The following NAALADL2 variants were observed in gnomAD, a reference collection of about 807,000 sequenced individuals.
The protein encoded by NAALADL2 is inactive N-acetylated-alpha-linked acidic dipeptidase-like protein 2.
Under a neutral mutation model 87.2 loss-of-function variants are expected in NAALADL2, and 76 were observed. The ratio of observed to expected loss-of-function variants is 0.87; its 90% CI spans 0.72 to 1.05. NAALADL2 has a LOEUF of 1.05. Ranked by LOEUF, NAALADL2 falls within the 50% of genes least tolerant of loss-of-function variation. NAALADL2 has a pLI of 0.00. For synonymous variants in NAALADL2, 354 were observed against 331.0 expected (o/e 1.07, Z -0.75); for missense variants, 1,089 against 945.8 (o/e 1.15, Z -1.99).
chr3:174,716,821 A>G (rs1261042680), intron 2 of NAALADL2, among the ~76,000 whole-genome samples: 1 of 152,102 alleles, frequency 6.6e-6, no homozygotes, highest in Non-Finnish European at 1.5e-5. Flanking sequence ...TTTGTTAATA[A>G]TGTATGATTA....
intron 12 of NAALADL2, among the ~76,000 whole-genome samples, chr3:175,742,428 C>T (rs186611872): frequency 8.5e-4 from 130 of 152,244 alleles, no homozygotes; most frequent in Non-Finnish European, 1.6e-3. Context: ...GACGGAGTCT[C>T]GCTCTGTCAC....
chr3:174,564,109 G>C (rs767614060), intron 2 of NAALADL2, among the ~76,000 whole-genome samples: 1 of 152,174 alleles, frequency 6.6e-6, no homozygotes, highest in Non-Finnish European at 1.5e-5. Flanking sequence ...TGGGGTAATG[G>C]AGTTCATATA....
intron 3 of NAALADL2, among the ~76,000 whole-genome samples, chr3:174,760,575 G>A (rs947176787): frequency 6.6e-6 from 1 of 152,180 alleles, no homozygotes; most frequent in African/African-American, 2.4e-5. Context: ...ATATGTGATA[G>A]CATCACTGAG....
chr3:174,922,080 A>G (rs1735309655), intron 1 of NAALADL2, among the ~76,000 whole-genome samples: 3 of 152,044 alleles, frequency 2.0e-5, no homozygotes, highest in Non-Finnish European at 4.4e-5. Context: ...CCAAGGCAGG[A>G]GGATTGCTTA....
At chr3:174,797,464 C>T (rs981743499) in intron 3 of NAALADL2, among the ~76,000 whole-genome samples, 2 of 151,662 alleles carry the variant, frequency 1.3e-5, no homozygotes, top group African/African-American at 4.8e-5. Context: ...GCGCCTTCCA[C>T]CACGCCTGGC....
At chr3:175,696,445 G>A (rs771723072) in intron 11 of NAALADL2, among the ~76,000 whole-genome samples, 2 of 152,114 alleles carry the variant, frequency 1.3e-5, no homozygotes, top group Non-Finnish European at 2.9e-5. Flanking sequence ...GGGCTTGAGA[G>A]AAAAGATGTA....
intron 3 of NAALADL2, among the ~76,000 whole-genome samples, chr3:174,825,091 A>G (rs1721837040): frequency 6.6e-6 from 1 of 152,126 alleles, no homozygotes; most frequent in Non-Finnish European, 1.5e-5. Flanking sequence ...CCAGTGTATT[A>G]TTTTCCAGAA....
intron 1 of NAALADL2, among the ~76,000 whole-genome samples, chr3:174,927,120 C>T (rs1187023990): frequency 4.6e-5 from 7 of 151,568 alleles, no homozygotes; most frequent in Non-Finnish European, 8.8e-5. Flanking sequence ...AAGGCCATTA[C>T]ATAATGGTAA....
rs1054850402 is a variant in NAALADL2 at position 175,718,970 on chromosome 3, T to G, written c.1897-18336T>G. Among the ~76,000 whole-genome samples, 5 of 152,200 alleles carry G rather than the reference T, an allele frequency of 3.3e-5. 1 individual carries two copies. The highest frequency in any genetic ancestry group is 3.3e-4 in the Admixed American group (5 of 15,258). ...TTGTACCAAAAGGCTAGCATTGAAT[T>G]TTTTAAAGTGCGGTATGATTGCCAT... On this transcript the variant is annotated intron_variant, in intron 11 of 13. Coordinates refer to ENST00000454872, the MANE Select transcript of NAALADL2 (RefSeq NM_207015.3).
chr3:175,138,887 A>AATATATATATATATATATAT (rs58824117), intron 2 of NAALADL2, among the ~76,000 whole-genome samples: 9 of 95,484 alleles, frequency 9.4e-5, no homozygotes, highest in Non-Finnish European at 1.1e-4. Flanking sequence ...AGCCTTTTAA[A>AATATATATATATATATATAT]ATATATATAT....
At chr3:175,348,675 T>C (rs1283491365) in intron 5 of NAALADL2, among the ~76,000 whole-genome samples, 1 of 152,152 alleles carries the variant, frequency 6.6e-6, no homozygotes, top group Non-Finnish European at 1.5e-5. Flanking sequence ...CTTCTGTGTG[T>C]GACGGTCTCT....
At chr3:175,777,455 T>A (rs1447751144) in intron 13 of NAALADL2, among the ~76,000 whole-genome samples, 2 of 152,260 alleles carry the variant, frequency 1.3e-5, no homozygotes, top group East Asian at 3.9e-4. Context: ...TGGGGAAGCC[T>A]ATACTAAATG....
At chr3:174,965,877 G>T (rs574056675) in intron 1 of NAALADL2, among the ~76,000 whole-genome samples, 74 of 152,230 alleles carry the variant, frequency 4.9e-4, no homozygotes, top group East Asian at 1.5e-3. Context: ...TAGCAGTAGA[G>T]AAGGAGAGGC....
intron 2 of NAALADL2, among the ~76,000 whole-genome samples, chr3:175,140,551 A>G (rs2108719861): frequency 6.6e-6 from 1 of 152,302 alleles, no homozygotes; most frequent in Middle Eastern, 3.4e-3. Context: ...GGGATTAACT[A>G]AGCAAAGAAG....
intron 5 of NAALADL2, among the ~76,000 whole-genome samples, chr3:175,361,394 G>A (rs1377360545): frequency 1.4e-5 from 2 of 148,142 alleles, no homozygotes; most frequent in Non-Finnish European, 3.0e-5. Context: ...TAATGGGATT[G>A]GTGGGTCAAA....
chr3:174,805,032 T>C (rs1050375847), intron 3 of NAALADL2, among the ~76,000 whole-genome samples: 9 of 152,162 alleles, frequency 5.9e-5, no homozygotes, highest in Non-Finnish European at 1.3e-4. Flanking sequence ...ATCAGAGTTT[T>C]CTTGTCATAG....
chr3:175,389,828 C>G (rs1033616281), intron 5 of NAALADL2, among the ~76,000 whole-genome samples: 2 of 152,032 alleles, frequency 1.3e-5, no homozygotes, highest in Non-Finnish European at 2.9e-5. Flanking sequence ...CACAGTGGCT[C>G]CAGGGGAGAG....
At chr3:175,206,311 T>TAC (rs1336603398) in intron 2 of NAALADL2, among the ~76,000 whole-genome samples, 2 of 119,026 alleles carry the variant, frequency 1.7e-5, no homozygotes, top group African/African-American at 7.5e-5. Flanking sequence ...TATATATATA[T>TAC]ACACATACAT....
chr3:175,718,227 T>TTTTTTTTTTTTTAAAA, intron 11 of NAALADL2: 2 of 1,037,686 alleles, frequency 1.9e-6, no homozygotes, highest in Non-Finnish European at 2.8e-6. Context: ...TTTTTTTGAT[T>TTTTTTTTTTTTTAAAA]AGTTGCTGTA....
Sources: gnomAD v4.1 joint callset for allele counts (sites outside exome capture counted in the v4.1 genomes callset) on GRCh38, gnomAD v4.1.1 for gene constraint, MANE v1.5 for transcripts, NCBI Gene and HGNC (gene_info 2026-07-23, HGNC 2026-07-21) for gene names.